BRIP1: variants seen among roughly 807,000 people sequenced by gnomAD.
BRIP1 encodes Fanconi anemia group J protein.
A neutral mutation model predicts 119.7 loss-of-function variants in BRIP1; 88 were observed. That is an observed-to-expected ratio of 0.74 (90% CI 0.62 to 0.88). BRIP1 has a LOEUF of 0.88. Among genes scored for constraint, BRIP1 ranks in the 40% least tolerant of loss-of-function variants. BRIP1 has a pLI of 0.00. For synonymous variants in BRIP1, 443 were observed against 496.5 expected, an observed-to-expected ratio of 0.89 and a Z score of 1.43; for missense variants, 1,259 against 1,455.4, an observed-to-expected ratio of 0.87 and a Z score of 2.20.
chr17:61,688,045 CA>C (rs1358284179), intron 18 of BRIP1, among the ~76,000 whole-genome samples: 1 of 152,200 alleles, frequency 6.6e-6, no homozygotes, highest in African/African-American at 2.4e-5. Context: ...GCCACTCCCT[CA>C]GGGGGACAGA....
Position 61,706,712 on chromosome 17 carries a change from C to T in BRIP1, c.2492+9239G>A, listed in dbSNP as rs2061695035. Among the ~76,000 whole-genome samples the T allele has an allele frequency of 1.3e-5, 2 of 152,190 alleles. No individual in the cohort carries two copies. Among genetic ancestry groups the T allele is most frequent in the Admixed American group, 1.3e-4 (2 of 15,272 alleles). On this transcript the variant is annotated intron_variant, in intron 17 of 19. Coordinates refer to ENST00000259008, the MANE Select transcript of BRIP1 (RefSeq NM_032043.3). The surrounding 1 kb of genome is among the most constrained non-coding windows in gnomAD (Gnocchi z 5.7). ...CACCATCCCTTCCTGGGAATATTAA[C>T]AACTGAGTCACATAGTGCACTATAA...
chr17:61,683,048 C>T lies in BRIP1; in HGVS notation c.*248G>A, dbSNP rs1437466227. ...TCAGAAGGCTGAGGCAGGAGAATCA[C>T]TTGAACCTGGAGGTGAAGGTTGCAG... On this transcript the variant is annotated 3_prime_UTR_variant, in exon 20 of 20. Transcript: ENST00000259008. The surrounding 1 kb of genome is among the most constrained non-coding windows in gnomAD (Gnocchi z 4.7). 17 of 444,472 alleles carry T rather than the reference C, an allele frequency of 3.8e-5. No individual in the cohort carries two copies. The South Asian group carries it at 4.1e-4, about 11-fold the overall frequency. The allele number at this position is 444,472 out of a possible 1,614,324, so 27.5% of individuals were successfully genotyped here.
intron 6 of BRIP1, among the ~76,000 whole-genome samples, chr17:61,835,875 A>G (rs902657644): frequency 1.3e-5 from 2 of 152,134 alleles, no homozygotes; most frequent in African/African-American, 4.8e-5. Flanking sequence ...ATGCATGAAA[A>G]TAAATCCCAT....
rs1376872993 is a variant in BRIP1, at chr17:61,863,377, C to G, written c.-124G>C. ...TTCTGAGAGCAAATAAAGCGGAGCC[C>G]TGGAAGAGAAGAAAGGGCACGAGCC... On this transcript the variant is annotated 5_prime_UTR_variant, in exon 1 of 20. Coordinates refer to ENST00000259008, the MANE Select transcript of BRIP1 (RefSeq NM_032043.3). 2.0e-5 allele frequency: 3 copies of G among 152,254 alleles called. No individual in the cohort carries two copies. Among genetic ancestry groups the G allele is most frequent in the African/African-American group, 7.2e-5 (3 of 41,446 alleles). 9.4% of individuals were successfully genotyped at this position (152,254 alleles called of 1,614,324 possible). A position where few individuals can be genotyped will look rare whatever the true frequency, so the allele number is the denominator to read the frequency against.
In BRIP1 at chr17:61,842,762, C is replaced by T. The variant is rs1314454170; in HGVS notation, c.627+4339G>A. On this transcript the variant is annotated intron_variant, in intron 6 of 19. Coordinates refer to ENST00000259008, the MANE Select transcript of BRIP1 (RefSeq NM_032043.3). This position sits in a 1 kb window ranked among gnomAD's most constrained non-coding sequence, Gnocchi z 5.1. ...TCTACTACCACTTGGCGCTTAAACT[C>T]TAAGGTATGCCAGATACTCTCAGCA... Among the ~76,000 whole-genome samples the T allele has an allele frequency of 6.6e-6, 1 of 152,174 alleles. No homozygotes were observed. Among genetic ancestry groups the T allele is most frequent in the African/African-American group, 2.4e-5 (1 of 41,434 alleles).
Position 61,815,359 on chromosome 17 carries a change from T to C in BRIP1, c.628-6602A>G, listed in dbSNP as rs1275634983. ...ACTTTAATCAAGTGCTCAAAGCAGA[T>C]TGTGACTGATTTGGGTTAGGGCTTT... On this transcript the variant is annotated intron_variant, in intron 6 of 19. Coordinates refer to ENST00000259008, the MANE Select transcript of BRIP1 (RefSeq NM_032043.3). This position sits in a 1 kb window ranked among gnomAD's most constrained non-coding sequence, Gnocchi z 4.1. Among the ~76,000 whole-genome samples, 4 of 152,158 alleles carry C rather than the reference T, an allele frequency of 2.6e-5. No individual in the cohort carries two copies. Among genetic ancestry groups the C allele is most frequent in the Non-Finnish European group, 4.4e-5 (3 of 67,998 alleles).
In BRIP1 at chr17:61,784,514, A is replaced by G. The variant is rs978429475; in HGVS notation, c.1474-90T>C. ...AAAATACAATGAAACCCAACAAAAC[A>G]TGCATTGAAATTTTAGGTGAACAGA... On this transcript the variant is annotated intron_variant, in intron 10 of 19. Coordinates refer to ENST00000259008, the MANE Select transcript of BRIP1 (RefSeq NM_032043.3). 5 of 1,203,496 alleles carry G rather than the reference A, an allele frequency of 4.2e-6. No individual in the cohort carries two copies. In the African/African-American group the frequency reaches 7.6e-5, roughly 18 times the overall value. The allele number at this position is 1,203,496 out of a possible 1,614,324, so 74.6% of individuals were successfully genotyped here.
intron 16 of BRIP1, among the ~76,000 whole-genome samples, chr17:61,741,511 C>T (rs1417398115): frequency 6.6e-6 from 1 of 152,206 alleles, no homozygotes; most frequent in Non-Finnish European, 1.5e-5. Context: ...GTGAAATGTA[C>T]TTCTTAAGTA....
At position 61,684,957 on chromosome 17, in the gene BRIP1, A is replaced by C. The variant is rs377482785; in HGVS notation, c.2906-817T>G. On this transcript the variant is annotated intron_variant, in intron 19 of 19. Transcript: ENST00000259008. The surrounding 1 kb of genome is among the most constrained non-coding windows in gnomAD (Gnocchi z 4.5). ...TTTAGTAGAGACGGTGTTTCACCACACTGGTCAGGCTGGTCTCGGACTCCT... is the reference window on the plus strand; with the variant it reads ...TTTAGTAGAGACGGTGTTTCACCACCCTGGTCAGGCTGGTCTCGGACTCCT... The C allele has an allele frequency of 3.9e-5, 6 of 152,036 alleles. No individual in the cohort carries two copies. In the East Asian group the frequency reaches 7.7e-4, roughly 20 times the overall value. The allele number at this position is 152,036 out of a possible 1,614,324, so 9.4% of individuals were successfully genotyped here. A position where few individuals can be genotyped will look rare whatever the true frequency, so the allele number is the denominator to read the frequency against.
intron 8 of BRIP1, among the ~76,000 whole-genome samples, chr17:61,800,311 A>C (rs1420773247): frequency 6.6e-6 from 1 of 152,198 alleles, no homozygotes; most frequent in Non-Finnish European, 1.5e-5. Flanking sequence ...TGAAAAGTTG[A>C]GAAAAAACCA....
intron 16 of BRIP1, among the ~76,000 whole-genome samples, chr17:61,741,871 C>T (rs922608396): frequency 6.6e-6 from 1 of 152,296 alleles, no homozygotes; most frequent in East Asian, 1.9e-4. Flanking sequence ...TTAAAGTCAC[C>T]AGCTGCACTG....
In BRIP1 at chr17:61,730,465, A is replaced by C. The variant is rs1028102978; in HGVS notation, c.2379+12548T>G. On this transcript the variant is annotated intron_variant, in intron 16 of 19. Transcript: ENST00000259008. This position sits in a 1 kb window ranked among gnomAD's most constrained non-coding sequence, Gnocchi z 4.3. ...GCTGCTGATTATGCTCCATGCCAAC[A>C]TAAGTAGGTAAGTGTCAATCAACCT... is the stretch of plus-strand genomic sequence containing the variant. Among the ~76,000 whole-genome samples the C allele has an allele frequency of 1.3e-5, 2 of 152,198 alleles. No individual in the cohort carries two copies. Among genetic ancestry groups the C allele is most frequent in the Non-Finnish European group, 2.9e-5 (2 of 68,032 alleles).
In BRIP1 at chr17:61,794,456, T is replaced by C. The variant is rs1289274585; in HGVS notation, c.1341-727A>G. Reference sequence around the variant, plus strand: ...TAATGCAGGAACAGAAAATACTGCATGTTCTCACTTATAAGTGAGAGCTAA... The same window carrying C: ...TAATGCAGGAACAGAAAATACTGCACGTTCTCACTTATAAGTGAGAGCTAA... On this transcript the variant is annotated intron_variant, in intron 9 of 19. Transcript: ENST00000259008. The surrounding 1 kb of genome is among the most constrained non-coding windows in gnomAD (Gnocchi z 4.3). 6.6e-6 allele frequency among the ~76,000 whole-genome samples: 1 copy of C among 152,116 alleles called. No individual in the cohort carries two copies.
Position 61,685,910 on chromosome 17 carries a change from T to G in BRIP1, c.2831A>C (p.Gln944Pro), listed in dbSNP as rs148232408. The stretch of plus-strand genomic sequence containing the variant: ...AATAATTTTAGGACACTGTAGTTCC[T>G]GGACACATATCTTTGCTTCATCTTC... ...FVEDEAKICV[Q>P]ELQCPKIITK... The change falls in exon 19 of 20, where the codon CAG becomes CCG. Residue 944 changes from glutamine (Q) to proline (P), a missense_variant. Around this residue, in one of 3 missense-constraint regions of BRIP1, gnomAD observed 753 missense variants for 891.8 expected, o/e 0.84. Coordinates refer to ENST00000259008, the MANE Select transcript of BRIP1 (RefSeq NM_032043.3). 5 of 1,614,124 alleles carry G rather than the reference T, an allele frequency of 3.1e-6. No homozygotes were observed. Among genetic ancestry groups the G allele is most frequent in the Non-Finnish European group, 4.2e-6 (5 of 1,179,960 alleles).
At position 61,813,538 on chromosome 17, in the gene BRIP1, A is replaced by G. The variant is rs1305664421; in HGVS notation, c.628-4781T>C. ...TGTCCTAATTTGAAGTGCTGCACAT[A>G]TCAAAAAGATACTTCAAAATCCAGA... On this transcript the variant is annotated intron_variant, in intron 6 of 19. Transcript: ENST00000259008. 2.3e-4 allele frequency among the ~76,000 whole-genome samples: 35 copies of G among 152,152 alleles called. 1 individual carries two copies. Among genetic ancestry groups the G allele is most frequent in the Admixed American group, 2.3e-3 (35 of 15,278 alleles).
Position 61,730,120 on chromosome 17 carries a change from A to G in BRIP1, c.2379+12893T>C, listed in dbSNP as rs989124120. On this transcript the variant is annotated intron_variant, in intron 16 of 19. Coordinates refer to ENST00000259008, the MANE Select transcript of BRIP1 (RefSeq NM_032043.3). This position sits in a 1 kb window ranked among gnomAD's most constrained non-coding sequence, Gnocchi z 4.3. ...GACGCACTGGGGTGATGTGTCCTAC[A>G]GTTACAAAGTATAAACTGAACTCAT... Among the ~76,000 whole-genome samples, 4 of 152,240 alleles carry G rather than the reference A, an allele frequency of 2.6e-5. No homozygotes were observed. The highest frequency in any genetic ancestry group is 5.9e-5 in the Non-Finnish European group (4 of 68,040).
In BRIP1 at chr17:61,799,386, C is replaced by A; in HGVS notation, c.1141-87G>T. The stretch of plus-strand genomic sequence containing the variant: ...AAGATATTTCATTTTAAAATTCACA[C>A]TATAGGCCAATATTGCAAATGCAAT... On this transcript the variant is annotated intron_variant, in intron 8 of 19. Transcript: ENST00000259008. The surrounding 1 kb of genome is among the most constrained non-coding windows in gnomAD (Gnocchi z 5.1). 9.5e-7 allele frequency: 1 copy of A among 1,052,604 alleles called. No homozygotes were observed. Among genetic ancestry groups the A allele is most frequent in the Non-Finnish European group, 1.4e-6 (1 of 710,780 alleles). The allele number at this position is 1,052,604 out of a possible 1,614,324, so 65.2% of individuals were successfully genotyped here.
rs1555617859 is a variant in BRIP1 at position 61,857,143 on chromosome 17, A to G, written c.294T>C (p.Asn98=). 6.2e-7 allele frequency: 1 copy of G among 1,614,142 alleles called. No homozygotes were observed. The stretch of plus-strand genomic sequence containing the variant: ...GACGTGAAGTTCCTTGGTTCATGTC[A>G]TTGTTTGTAAAATCCTTTGAATGGC... ...CACHSKDFTN[N]DMNQGTSRHF... Residue 98 remains asparagine (N), a synonymous_variant, in exon 4 of 20, where the codon AAT becomes AAC. Transcript: ENST00000259008. The surrounding 1 kb of genome is among the most constrained non-coding windows in gnomAD (Gnocchi z 5.1).
At position 61,861,417 on chromosome 17, in the gene BRIP1, A is replaced by G; in HGVS notation, c.93+30T>C. ...ATGGGTCATAAGTATCTATATCTTA[A>G]TAAAAACTTAACTGCTGAAAAATAC... On this transcript the variant is annotated intron_variant, in intron 2 of 19. Coordinates refer to ENST00000259008, the MANE Select transcript of BRIP1 (RefSeq NM_032043.3). This position sits in a 1 kb window ranked among gnomAD's most constrained non-coding sequence, Gnocchi z 4.5. The G allele has an allele frequency of 6.9e-7, 1 of 1,450,534 alleles. No individual in the cohort carries two copies. Among genetic ancestry groups the G allele is most frequent in the Non-Finnish European group, 9.7e-7 (1 of 1,032,054 alleles). 89.9% of individuals were successfully genotyped at this position (1,450,534 alleles called of 1,614,324 possible).
Sources: allele counts gnomAD v4.1 joint callset (sites outside exome capture counted in the v4.1 genomes callset), GRCh38; gene constraint gnomAD v4.1.1; regional missense constraint gnomAD v4.1.1; non-coding constraint Gnocchi (gnomAD v3.1); transcripts MANE v1.5; gene names NCBI Gene and HGNC (gene_info 2026-07-23, HGNC 2026-07-21).